Variants in SYNE2 observed in about 807,000 individuals in gnomAD.
SYNE2 encodes the protein nesprin-2.
Under a neutral mutation model 856.3 loss-of-function variants are expected in SYNE2, and 431 were observed. The observed-to-expected ratio is 0.50, with a 90% CI of 0.47 to 0.55. The LOEUF is 0.55. Ranked by LOEUF, SYNE2 falls within the 20% of genes least tolerant of loss-of-function variation. The pLI is 0.00. For synonymous variants in SYNE2, 2,923 were observed against 2,872.3 expected (o/e 1.02, Z -0.56); for missense variants, 8,129 against 8,023.2 (o/e 1.01, Z -0.50).
chr14:63,986,318 A>T, intron 18 of SYNE2, 138 bp from the exon 19 acceptor site: 3 of 901,700 alleles, frequency 3.3e-6, no homozygotes, highest in Non-Finnish European at 5.2e-6. Context: ...CAGACTGGTC[A>T]CAAACTCCTA....
At chr14:64,220,914 C>G (rs1056449855) in intron 111 of SYNE2, among the ~76,000 whole-genome samples, 1 of 152,132 alleles carries the variant, frequency 6.6e-6, no homozygotes, top group African/African-American at 2.4e-5. Context: ...CACCCCACAA[C>G]TCCTCTTTTT....
chr14:64,035,685 C>T (rs2097082500), intron 45 of SYNE2, among the ~76,000 whole-genome samples: 1 of 151,870 alleles, frequency 6.6e-6, no homozygotes, highest in Non-Finnish European at 1.5e-5. Flanking sequence ...CTTAGGCATC[C>T]TTTATTTATT....
At chr14:63,876,234 G>A (rs1468517750) in intron 1 of SYNE2, among the ~76,000 whole-genome samples, 3 of 138,238 alleles carry the variant, frequency 2.2e-5, no homozygotes, top group African/African-American at 5.4e-5. Context: ...GCAACACAGC[G>A]AGACTCTATC....
chr14:64,135,026 T>TG (rs78846525), intron 78 of SYNE2, among the ~76,000 whole-genome samples: 61,284 of 151,902 alleles, frequency 0.4, 15,786 homozygotes, highest in African/African-American at 0.73. Flanking sequence ...TTAAACTTTT[T>TG]TGTGTAACTT....
At chr14:63,940,722 C>T (rs768968417) in intron 3 of SYNE2, 47 bp downstream of exon 3, 151 of 1,552,420 alleles carry the variant, frequency 9.7e-5, no homozygotes, top group Non-Finnish European at 1.3e-4. Context: ...TTTATTACTC[C>T]CCCTACTCCT....
chr14:64,106,142 C>T (rs570287501), intron 64 of SYNE2, among the ~76,000 whole-genome samples: 2 of 147,574 alleles, frequency 1.4e-5, no homozygotes, highest in African/African-American at 2.5e-5. Context: ...ACCCCCCCCC[C>T]CAACCAACAC....
At position 64,216,805 on chromosome 14, in the gene SYNE2, A is replaced by G. The variant is rs143649854; in HGVS notation, c.19542+418A>G. ...ACTGGCACGATCTTGACTTACTGCA[A>G]TCTCTGCCTCCTGGGTTCAAGTGAT... On this transcript the variant is annotated intron_variant, in intron 108 of 115. Coordinates refer to ENST00000555002, the MANE Select transcript of SYNE2 (RefSeq NM_182914.3). Among the ~76,000 whole-genome samples, 167 of 152,248 alleles carry G rather than the reference A, an allele frequency of 1.1e-3. 5 individuals carry two copies. In the East Asian group the frequency reaches 0.027, roughly 25 times the overall value.
Position 64,020,089 on chromosome 14 carries a change from T to G in SYNE2, c.5147T>G (p.Leu1716Trp), listed in dbSNP as rs1234191592. ...CAAAGCAGTGAAATACCTCTTGAATTGCAGGTAAGAATTTTTATTTAAAAG... is the reference window on the plus strand; with the variant it reads ...CAAAGCAGTGAAATACCTCTTGAATGGCAGGTAAGAATTTTTATTTAAAAG... The part of the protein sequence containing the change: ...LLQSSEIPLE[L>W]QVMESSILNK... Residue 1716 changes from leucine (L) to tryptophan (W), a missense_variant, in exon 35 of 116, where the codon TTG (leucine) becomes TGG (tryptophan). This residue lies in a region of SYNE2 where 2,422 missense variants were observed against 2,357.4 expected (regional missense o/e 1.03). Transcript: ENST00000555002. The G allele has an allele frequency of 3.7e-6, 6 of 1,607,332 alleles. No homozygotes were observed. The highest frequency in any genetic ancestry group is 5.1e-6 in the Non-Finnish European group (6 of 1,173,920).
At chr14:64,146,464 T>C (rs1050441729) in intron 84 of SYNE2, among the ~76,000 whole-genome samples, 1 of 152,264 alleles carries the variant, frequency 6.6e-6, no homozygotes, top group African/African-American at 2.4e-5. Context: ...CTTAAGAGGT[T>C]TGAGTAGTAC....
chr14:64,084,494 C>T (rs1442041070), intron 57 of SYNE2: 1 of 154,762 alleles, frequency 6.5e-6, no homozygotes, highest in East Asian at 1.9e-4. Context: ...TAGAGGGAAT[C>T]AAACAGTATG....
chr14:64,107,739 T>C, intron 65 of SYNE2, 132 bp downstream of exon 65: 1 of 801,760 alleles, frequency 1.2e-6, no homozygotes, highest in Non-Finnish European at 2.2e-6. Context: ...CATATGAAGA[T>C]ATGTGCTGTC....
rs1415387985 is a variant in SYNE2 at position 63,905,338 on chromosome 14, CT to C, written c.-51-3759del. Among the ~76,000 whole-genome samples, 3 of 150,708 alleles carry C rather than the reference CT, an allele frequency of 2.0e-5. No individual in the cohort carries two copies. The East Asian group carries it at 6.0e-4, about 30-fold the overall frequency. ...AATTTTAGAGTTGTTTTTTCTAATT[CT>C]GTGAAGAATGTTCATAGTTTGATAG... On this transcript the variant is annotated intron_variant, in intron 1 of 115. Coordinates refer to ENST00000555002, the MANE Select transcript of SYNE2 (RefSeq NM_182914.3).
chr14:63,891,376 T>C (rs1001864310), intron 1 of SYNE2, among the ~76,000 whole-genome samples: 3 of 152,122 alleles, frequency 2.0e-5, no homozygotes, highest in Non-Finnish European at 4.4e-5. Context: ...GAGTCACTTA[T>C]GGGAAGGTGA....
intron 35 of SYNE2, 101 bp from the exon 36 acceptor site, chr14:64,021,214 A>G (rs1033459784): frequency 1.6e-5 from 14 of 898,186 alleles, no homozygotes; most frequent in Middle Eastern, 2.5e-4. Flanking sequence ...TGCATTTCAC[A>G]TTGAAATGAA....
intron 1 of SYNE2, among the ~76,000 whole-genome samples, chr14:63,845,637 T>A (rs559495121): frequency 6.6e-6 from 1 of 152,164 alleles, no homozygotes; most frequent in South Asian, 2.1e-4. Flanking sequence ...TTATCTTTAT[T>A]TTACTTTCGC....
At chr14:63,846,972 A>G (rs1890245892) in intron 1 of SYNE2, among the ~76,000 whole-genome samples, 1 of 151,240 alleles carries the variant, frequency 6.6e-6, no homozygotes, top group Admixed American at 6.6e-5. Flanking sequence ...TAGTTTTATT[A>G]TATTGTTTAT....
At chr14:64,151,831 A>T (rs1272690618) in intron 84 of SYNE2, among the ~76,000 whole-genome samples, 1 of 152,186 alleles carries the variant, frequency 6.6e-6, no homozygotes, top group Non-Finnish European at 1.5e-5. Context: ...AATAATTTTT[A>T]AAAAGTTTAA....
chr14:64,027,854 A>T, intron 43 of SYNE2, 61 bp downstream of exon 43: 3 of 1,250,954 alleles, frequency 2.4e-6, no homozygotes, highest in South Asian at 1.2e-5. Flanking sequence ...TATGCAAGAC[A>T]TATGTGGAAC....
chr14:64,073,649 C>A (rs2097431389), intron 52 of SYNE2, among the ~76,000 whole-genome samples: 1 of 152,142 alleles, frequency 6.6e-6, no homozygotes, highest in Non-Finnish European at 1.5e-5. Flanking sequence ...TCCATTCACA[C>A]CTCTAAGTCA....
Sources: gnomAD v4.1 joint callset for allele counts (sites outside exome capture counted in the v4.1 genomes callset) on GRCh38, gnomAD v4.1.1 for gene constraint, gnomAD v4.1.1 regional missense constraint, MANE v1.5 for transcripts, NCBI Gene and HGNC (gene_info 2026-07-23, HGNC 2026-07-21) for gene names.